Variants in ESRP1 observed in about 807,000 individuals in gnomAD.
ESRP1 encodes the protein RNA-binding motif protein 35A.
Under a neutral mutation model 81.7 loss-of-function variants are expected in ESRP1, and 33 were observed. That is an observed-to-expected ratio of 0.40 (90% CI 0.31 to 0.54). ESRP1 has a LOEUF of 0.54. Ranked by LOEUF, ESRP1 falls within the 20% of genes least tolerant of loss-of-function variation. ESRP1 has a pLI of 0.41. For missense variants in ESRP1, 672 were observed against 833.1 expected (o/e 0.81, Z 2.38); for synonymous variants, 320 against 303.3 (o/e 1.06, Z -0.57).
rs539580828 is a variant in ESRP1 at position 94,657,897 on chromosome 8, AC to A, written c.491-4374del. ...CATCAGCCAGGTGACTGGGTGAACT[AC>A]TGAACATCACTCAATCCCAGTGGTT... On this transcript the variant is annotated intron_variant, in intron 4 of 15. Coordinates refer to ENST00000433389, the MANE Select transcript of ESRP1 (RefSeq NM_017697.4). 7.6e-4 allele frequency among the ~76,000 whole-genome samples: 115 copies of A among 152,222 alleles called. 1 individual carries two copies. The highest frequency in any genetic ancestry group is 2.6e-3 in the African/African-American group (106 of 41,542).
intron 15 of ESRP1, among the ~76,000 whole-genome samples, chr8:94,699,083 T>C (rs1809714178): frequency 1.3e-5 from 2 of 152,216 alleles, no homozygotes; most frequent in Non-Finnish European, 2.9e-5. Flanking sequence ...ATGTTGTTTA[T>C]GAATTTGATT....
rs1227013384 is a variant in ESRP1 at position 94,706,785 on chromosome 8, C to G, written c.*896C>G. On this transcript the variant is annotated 3_prime_UTR_variant, in exon 16 of 16. Coordinates refer to ENST00000433389, the MANE Select transcript of ESRP1 (RefSeq NM_017697.4). Reference sequence around the variant, plus strand: ...TATCCCAGAAGTGAGACAATTTGAACAGTGTATTCTAGAAAACAATACACT... The same window carrying G: ...TATCCCAGAAGTGAGACAATTTGAAGAGTGTATTCTAGAAAACAATACACT... The G allele has an allele frequency of 2.0e-5, 3 of 152,186 alleles. No individual in the cohort carries two copies. Among genetic ancestry groups the G allele is most frequent in the African/African-American group, 7.2e-5 (3 of 41,442 alleles). 9.4% of individuals were successfully genotyped at this position (152,186 alleles called of 1,614,324 possible).
At position 94,706,068 on chromosome 8, in the gene ESRP1, G is replaced by A; in HGVS notation, c.*179G>A. On this transcript the variant is annotated 3_prime_UTR_variant, in exon 16 of 16. Transcript: ENST00000433389. ...CGGGCCTGTGCCTTATCTTTTGGTG[G>A]AGTGAAAAAATTTGAGCTAGTGAAG... The A allele has an allele frequency of 9.4e-7, 1 of 1,059,952 alleles. No homozygotes were observed. Among genetic ancestry groups the A allele is most frequent in the Non-Finnish European group, 1.3e-6 (1 of 752,022 alleles). The allele number at this position is 1,059,952 out of a possible 1,614,324, so 65.7% of individuals were successfully genotyped here.
At position 94,641,356 on chromosome 8, in the gene ESRP1, G is replaced by A. The variant is rs765910606; in HGVS notation, c.38G>A (p.Gly13Glu). 1 of 1,613,818 alleles carries A rather than the reference G, an allele frequency of 6.2e-7. No homozygotes were observed. The highest frequency in any genetic ancestry group is 1.1e-5 in the South Asian group (1 of 91,068). The stretch of plus-strand genomic sequence containing the variant: ...CCGGATTACTTGGTGGTGCTTTTTG[G>A]GATCACTGCTGGGGCCACCGGGGCC... ...ASPDYLVVLF[G>E]ITAGATGAKL... Residue 13 changes from glycine to glutamate, a missense_variant, in exon 1 of 16, where the codon GGG (glycine) becomes GAG (glutamate). Gly to Glu is a moderately conservative substitution (Grantham distance 98). Coordinates refer to ENST00000433389, the MANE Select transcript of ESRP1 (RefSeq NM_017697.4).
At chr8:94,641,925 G>A (rs1005965095) in intron 1 of ESRP1, 31 bp from the exon 2 acceptor site, 11 of 1,610,104 alleles carry the variant, frequency 6.8e-6, no homozygotes, top group African/African-American at 5.3e-5. Context: ...GAAATTGGGG[G>A]AAACTGACCC....
At chr8:94,661,665 C>G (rs1470513368) in intron 4 of ESRP1, among the ~76,000 whole-genome samples, 1 of 152,152 alleles carries the variant, frequency 6.6e-6, no homozygotes, top group African/African-American at 2.4e-5. Context: ...GCACATTGGC[C>G]TGTGTTGGCT....
In ESRP1 at chr8:94,706,316, G is replaced by T. The variant is rs755359043; in HGVS notation, c.*427G>T. ...GGAAGCTTCATTTTTGTATATTCCC[G>T]CTCTTTTCTCTTCATTTCCCTGTCT... On this transcript the variant is annotated 3_prime_UTR_variant, in exon 16 of 16. Coordinates refer to ENST00000433389, the MANE Select transcript of ESRP1 (RefSeq NM_017697.4). The T allele has an allele frequency of 2.2e-5, 4 of 182,832 alleles. No homozygotes were observed. Among genetic ancestry groups the T allele is most frequent in the African/African-American group, 7.1e-5 (3 of 42,430 alleles). 11.3% of individuals were successfully genotyped at this position (182,832 alleles called of 1,614,324 possible). A position where few individuals can be genotyped will look rare whatever the true frequency, so the allele number is the denominator to read the frequency against.
chr8:94,650,941 G>A (rs980214742), intron 4 of ESRP1, among the ~76,000 whole-genome samples: 4 of 152,100 alleles, frequency 2.6e-5, no homozygotes, highest in African/African-American at 9.7e-5. Context: ...TCCTGACCTC[G>A]TGATCCGCCC....
chr8:94,670,894 G>A (rs1819284560), intron 10 of ESRP1, among the ~76,000 whole-genome samples: 1 of 152,100 alleles, frequency 6.6e-6, no homozygotes, highest in South Asian at 2.1e-4. Flanking sequence ...ATTCTGTCTT[G>A]TGCTATTATT....
chr8:94,699,098 CAT>C (rs1395374127), intron 15 of ESRP1, among the ~76,000 whole-genome samples: 1 of 152,138 alleles, frequency 6.6e-6, no homozygotes, highest in Non-Finnish European at 1.5e-5. Context: ...TTGATTAACA[CAT>C]AGTCTATATT....
Position 94,671,657 on chromosome 8 carries a change from G to A in ESRP1, c.1438G>A (p.Val480Ile), listed in dbSNP as rs1169738720. 1 of 1,613,394 alleles carries A rather than the reference G, an allele frequency of 6.2e-7. No homozygotes were observed. The highest frequency in any genetic ancestry group is 8.5e-7 in the Non-Finnish European group (1 of 1,179,680). The change falls in exon 11 of 16, where the codon GTT becomes ATT. Residue 480 changes from valine (V) to isoleucine (I), a missense_variant. Physicochemically the swap from Val to Ile is conservative, Grantham distance 29. Coordinates refer to ENST00000433389, the MANE Select transcript of ESRP1 (RefSeq NM_017697.4). The stretch of plus-strand genomic sequence containing the variant: ...TATTCGTACTCATGGGGTTCACATG[G>A]TTTTGAATCACCAGGTAAGAAAGAT... ...TDIRTHGVHM[V>I]LNHQGRPSGD...
At chr8:94,641,875 C>G in intron 1 of ESRP1, 81 bp from the exon 2 acceptor site, 3 of 1,572,516 alleles carry the variant, frequency 1.9e-6, no homozygotes, top group Non-Finnish European at 2.6e-6. Context: ...CGGGCCGCCC[C>G]AGCAGGGGAG....
chr8:94,704,070 C>T (rs1809956989), intron 15 of ESRP1, among the ~76,000 whole-genome samples: 1 of 151,956 alleles, frequency 6.6e-6, no homozygotes, highest in African/African-American at 2.4e-5. Flanking sequence ...ACCAATATTT[C>T]CATGTTTTTT....
chr8:94,662,400 C>T (rs781364789), intron 5 of ESRP1, 30 bp downstream of exon 5: 4 of 1,529,008 alleles, frequency 2.6e-6, no homozygotes, highest in Admixed American at 2.0e-5. Context: ...TAGTGCAGTC[C>T]CAGAATTCAT....
At chr8:94,659,972 A>G (rs1201285626) in intron 4 of ESRP1, among the ~76,000 whole-genome samples, 1 of 152,234 alleles carries the variant, frequency 6.6e-6, no homozygotes, top group Non-Finnish European at 1.5e-5. Flanking sequence ...GCTGCAGAAG[A>G]AAAGCTAGCA....
At chr8:94,694,380 G>C (rs776804191) in intron 14 of ESRP1, among the ~76,000 whole-genome samples, 29 of 152,180 alleles carry the variant, frequency 1.9e-4, no homozygotes, top group Non-Finnish European at 1.5e-5. Flanking sequence ...ACTGAGGTGG[G>C]TGGATCACTT....
intron 15 of ESRP1, chr8:94,705,629 A>C: frequency 3.6e-6 from 1 of 278,946 alleles, no homozygotes; most frequent in Non-Finnish European, 6.7e-6. Flanking sequence ...TGAGCTGAGC[A>C]GGGAGTCGGA....
At chr8:94,653,339 C>G (rs1478325539) in intron 4 of ESRP1, among the ~76,000 whole-genome samples, 1 of 152,114 alleles carries the variant, frequency 6.6e-6, no homozygotes, top group Non-Finnish European at 1.5e-5. Context: ...AGAACATGAA[C>G]ACTGGGGGCA....
At chr8:94,701,345 C>T (rs1421773194) in intron 15 of ESRP1, among the ~76,000 whole-genome samples, 2 of 151,930 alleles carry the variant, frequency 1.3e-5, no homozygotes, top group South Asian at 4.2e-4. Flanking sequence ...AAAGCTAACA[C>T]CCACAGCGAG....
Sources: gnomAD v4.1 joint callset for allele counts (sites outside exome capture counted in the v4.1 genomes callset) on GRCh38, gnomAD v4.1.1 for gene constraint, MANE v1.5 for transcripts, NCBI Gene and HGNC (gene_info 2026-07-23, HGNC 2026-07-21) for gene names.